The following CABP4 variants were observed in gnomAD, a reference collection of about 807,000 sequenced individuals.
The protein encoded by CABP4 is calcium binding protein 4.
A neutral mutation model predicts 30.7 loss-of-function variants in CABP4; 30 were observed. The observed-to-expected ratio is 0.98, with a 90% CI of 0.73 to 1.33. The LOEUF (loss-of-function observed/expected upper bound fraction) is 1.33, where lower values mean the gene tolerates loss of function less well. Ranked by LOEUF, CABP4 falls within the 40% of genes most tolerant of loss-of-function variation. CABP4 has a pLI of 0.00. For missense variants in CABP4, 424 were observed against 395.5 expected, an observed-to-expected ratio of 1.07 and a Z score of -0.61; for synonymous variants, 161 against 159.2, an observed-to-expected ratio of 1.01 and a Z score of -0.08.
In CABP4 at chr11:67,461,220, A is replaced by G. The variant is rs1279432302; in HGVS notation, c.*2561A>G. 6.6e-6 allele frequency among the ~76,000 whole-genome samples: 1 copy of G among 152,084 alleles called. No homozygotes were observed. The highest frequency in any genetic ancestry group is 1.9e-4 in the East Asian group (1 of 5,184). ...TGAGGTGAGAGGATCATTTGAGCCC[A>G]GGAGTTGGAGGCTGCAGTGATCGTG... On this transcript the variant is annotated 3_prime_UTR_variant, in exon 6 of 6. Transcript: ENST00000325656.
At chr11:67,455,009 C>T (rs901649439), upstream of CABP4, among the ~76,000 whole-genome samples, 2 of 152,246 alleles carry the variant, frequency 1.3e-5, no homozygotes, top group African/African-American at 4.8e-5. Context: ...CTGGTCCTCT[C>T]TGCCTAACGA....
In CABP4 at chr11:67,455,785, G is replaced by T; in HGVS notation, c.362G>T (p.Gly121Val). Residue 121 changes from glycine to valine, a missense_variant, in exon 1 of 6, where the codon GGG (glycine) becomes GTG (valine). Coordinates refer to ENST00000325656, the MANE Select transcript of CABP4 (RefSeq NM_145200.5). ...TYGPLLNRVF[G>V]KDRELGPEEL... ...GGGCCCCTGCTCAATCGAGTCTTCG[G>T]GAAGGTTAGGTGGGACCTGGATTGG... is the stretch of plus-strand genomic sequence containing the variant. 1 of 1,570,050 alleles carries T rather than the reference G, an allele frequency of 6.4e-7. No individual in the cohort carries two copies. Among genetic ancestry groups the T allele is most frequent in the East Asian group, 2.4e-5 (1 of 42,510 alleles).
chr11:67,457,121 G>A (rs1312821629), intron 3 of CABP4, among the ~76,000 whole-genome samples: 1 of 152,212 alleles, frequency 6.6e-6, no homozygotes, highest in African/African-American at 2.4e-5. Flanking sequence ...TTGAGTGACT[G>A]ATGGCATCTT....
In CABP4 at chr11:67,460,544, G is replaced by C. The variant is rs1864981384; in HGVS notation, c.*1885G>C. Among the ~76,000 whole-genome samples, 1 of 137,252 alleles carries C rather than the reference G, an allele frequency of 7.3e-6. No individual in the cohort carries two copies. Among genetic ancestry groups the C allele is most frequent in the Admixed American group, 7.7e-5 (1 of 13,038 alleles). The allele number at this position is 137,252 out of a possible 152,430, so 90.0% of individuals were successfully genotyped here. A position where few individuals can be genotyped will look rare whatever the true frequency, so the allele number is the denominator to read the frequency against. On this transcript the variant is annotated 3_prime_UTR_variant, in exon 6 of 6. Transcript: ENST00000325656. ...ACACACACACACACACACACACACA[G>C]CCATTGGAATGAAAAAATAATGGAT...
intron 2 of CABP4, 28 bp downstream of exon 2, chr11:67,456,246 G>T: frequency 1.2e-6 from 2 of 1,613,632 alleles, no homozygotes; most frequent in Non-Finnish European, 8.5e-7. Flanking sequence ...CTGGCAGGGG[G>T]TGGGAGCTGT....
Position 67,455,739 on chromosome 11 carries a change from G to A in CABP4, c.316G>A (p.Asp106Asn), listed in dbSNP as rs1414600005. The A allele has an allele frequency of 2.1e-5, 33 of 1,602,004 alleles. No homozygotes were observed. The highest frequency in any genetic ancestry group is 2.5e-5 in the Non-Finnish European group (29 of 1,175,622). The change falls in exon 1 of 6, where the codon GAC becomes AAC. Residue 106 changes from aspartate to asparagine, a missense_variant. Coordinates refer to ENST00000325656, the MANE Select transcript of CABP4 (RefSeq NM_145200.5). ...SHRHRPDSLH[D>N]AAQRTYGPLL... ...CCGACATCGTCCTGACTCCCTGCAC[G>A]ACGCTGCTCAGAGGACATACGGGCC...
In CABP4 at chr11:67,458,836, C is replaced by A. The variant is rs1864925781; in HGVS notation, c.*177C>A. 1.4e-6 allele frequency: 1 copy of A among 726,898 alleles called. No homozygotes were observed. Among genetic ancestry groups the A allele is most frequent in the South Asian group, 1.6e-5 (1 of 63,622 alleles). The allele number at this position is 726,898 out of a possible 1,614,324, so 45.0% of individuals were successfully genotyped here. On this transcript the variant is annotated 3_prime_UTR_variant, in exon 6 of 6. Coordinates refer to ENST00000325656, the MANE Select transcript of CABP4 (RefSeq NM_145200.5). ...GCTTGTTATGTTACCTGCCCACCCT[C>A]ATCCTTACCTCCTCCTACTCAAGCT...
At chr11:67,452,823 C>T, upstream of CABP4, 1 of 956,046 alleles carries the variant, frequency 1.0e-6, no homozygotes, top group Non-Finnish European at 1.5e-6. Context: ...TGTGCATCTC[C>T]AGGCAAGTCA....
upstream of CABP4, among the ~76,000 whole-genome samples, chr11:67,454,825 G>A (rs555773207): frequency 5.9e-5 from 9 of 152,202 alleles, no homozygotes; most frequent in Non-Finnish European, 1.0e-4. Context: ...ATCACCCCCC[G>A]TGCTCCTCAA....
At position 67,460,779 on chromosome 11, in the gene CABP4, G is replaced by A. The variant is rs984575860; in HGVS notation, c.*2120G>A. Among the ~76,000 whole-genome samples, 2 of 148,426 alleles carry A rather than the reference G, an allele frequency of 1.3e-5. No homozygotes were observed. The highest frequency in any genetic ancestry group is 2.5e-5 in the African/African-American group (1 of 40,028). ...GGGCGGGTCACAGGGTCAGGAGATC[G>A]AGACCATCCTGGCTAACACAGTGAA... On this transcript the variant is annotated 3_prime_UTR_variant, in exon 6 of 6. Coordinates refer to ENST00000325656, the MANE Select transcript of CABP4 (RefSeq NM_145200.5).
chr11:67,458,755 A>T lies in CABP4; in HGVS notation c.*96A>T. On this transcript the variant is annotated 3_prime_UTR_variant, in exon 6 of 6. Transcript: ENST00000325656. ...CCAGGAGCCTCCAGGATGGAGATGG[A>T]GACCCAGCAGCCCCCAGACTACTTC... is the stretch of plus-strand genomic sequence containing the variant. 1 of 1,450,362 alleles carries T rather than the reference A, an allele frequency of 6.9e-7. No individual in the cohort carries two copies. The highest frequency in any genetic ancestry group is 1.1e-5 in the South Asian group (1 of 87,198). 89.8% of individuals were successfully genotyped at this position (1,450,362 alleles called of 1,614,324 possible).
At chr11:67,454,870 C>T (rs965761124), upstream of CABP4, among the ~76,000 whole-genome samples, 5 of 152,224 alleles carry the variant, frequency 3.3e-5, 1 homozygote, top group South Asian at 4.1e-4. Context: ...CTGGCCTCTT[C>T]CTCCATTTCA....
chr11:67,452,779 T>C, upstream of CABP4: 1 of 1,374,470 alleles, frequency 7.3e-7, no homozygotes, highest in Non-Finnish European at 9.9e-7. Flanking sequence ...GAATCAATGA[T>C]GGTGTGAATG....
rs202028180 is a variant in CABP4, at chr11:67,456,199, G to A, written c.378G>A (p.Leu126=). The stretch of plus-strand genomic sequence containing the variant: ...CTCTCCCCCTGCAGGACCGCGAACT[G>A]GGCCCCGAGGAGCTAGACGGTGAGT... ...LNRVFGKDRE[L]GPEELDELQA... Residue 126 remains leucine, a synonymous_variant, in exon 2 of 6, where the codon CTG becomes CTA. Transcript: ENST00000325656. 6.3e-5 allele frequency: 102 copies of A among 1,613,316 alleles called. No individual in the cohort carries two copies. The East Asian group carries it at 2.1e-3, about 33-fold the overall frequency.
intron 3 of CABP4, 94 bp from the exon 4 acceptor site, chr11:67,457,479 G>A: frequency 9.4e-7 from 1 of 1,065,908 alleles, no homozygotes; most frequent in Non-Finnish European, 1.4e-6. Flanking sequence ...TAGGTGCAGA[G>A]CCTGGGGGTG....
rs769213358 is a variant in CABP4 at position 67,455,646 on chromosome 11, A to G, written c.223A>G (p.Ser75Gly). The G allele has an allele frequency of 3.7e-6, 6 of 1,610,322 alleles. No homozygotes were observed. The highest frequency in any genetic ancestry group is 1.7e-4 in the Middle Eastern group (1 of 6,058). The change falls in exon 1 of 6, where the codon AGC becomes GGC. Residue 75 changes from serine to glycine, a missense_variant. By Grantham distance (56) the Ser-to-Gly change is moderately conservative. Coordinates refer to ENST00000325656, the MANE Select transcript of CABP4 (RefSeq NM_145200.5). ...CCCGGGGAGCAGCAATAACCCTCCCAGCACTGGAGAGGGGCCGGCGGGCGC... is the reference window on the plus strand; with the variant it reads ...CCCGGGGAGCAGCAATAACCCTCCCGGCACTGGAGAGGGGCCGGCGGGCGC... ...EAPGSSNNPP[S>G]TGEGPAGAPP...
chr11:67,458,520 T>C lies in CABP4; in HGVS notation c.799+2T>C. 1.2e-6 allele frequency: 2 copies of C among 1,613,974 alleles called. No individual in the cohort carries two copies. Among genetic ancestry groups the C allele is most frequent in the East Asian group, 2.2e-5 (1 of 44,868 alleles). On this transcript the variant is annotated splice_donor_variant, in intron 5 of 5. Transcript: ENST00000325656. LOFTEE classifies it high-confidence loss of function. Reference sequence around the variant, plus strand: ...GGGATGGCACCGTAGACTTTGACGGTGAGTCTCCTTCCCGGAAAACCCTCC... The same window carrying C: ...GGGATGGCACCGTAGACTTTGACGGCGAGTCTCCTTCCCGGAAAACCCTCC...
At chr11:67,453,826 C>CTGGGGTTCGAGTGTT, upstream of CABP4, among the ~76,000 whole-genome samples, 1 of 152,192 alleles carries the variant, frequency 6.6e-6, no homozygotes, top group African/African-American at 2.4e-5. Flanking sequence ...GCCTGCTCCT[C>CTGGGGTTCGAGTGTT]TGGGGTTCGA....
Position 67,455,487 on chromosome 11 carries a change from C to T in CABP4, c.64C>T (p.Pro22Ser). The T allele has an allele frequency of 6.2e-7, 1 of 1,609,050 alleles. No individual in the cohort carries two copies. ...PNLAIGRQKP[P>S]AGVVTPKSDA... ...TCTGGCCATTGGCCGTCAGAAGCCC[C>T]CTGCGGGGGTTGTGACTCCCAAGAG... Residue 22 changes from proline to serine, a missense_variant, in exon 1 of 6, where the codon CCT becomes TCT. Coordinates refer to ENST00000325656, the MANE Select transcript of CABP4 (RefSeq NM_145200.5).
Sources: allele counts gnomAD v4.1 joint callset (sites outside exome capture counted in the v4.1 genomes callset), GRCh38; gene constraint gnomAD v4.1.1; transcripts MANE v1.5; gene names NCBI Gene and HGNC (gene_info 2026-07-23, HGNC 2026-07-21).